LRP1B: variants seen among roughly 807,000 people sequenced by gnomAD.
LRP1B encodes LDL receptor related protein 1B, also known as low-density lipoprotein receptor-related protein 1B.
In LRP1B, 217 loss-of-function variants were observed where a neutral mutation model predicts 556.6. The ratio of observed to expected loss-of-function variants is 0.39; its 90% CI spans 0.35 to 0.44. The LOEUF (loss-of-function observed/expected upper bound fraction) is 0.44. Among genes scored for constraint, LRP1B ranks in the 20% least tolerant of loss-of-function variants. The pLI is 1.00. For missense variants in LRP1B, 5,053 were observed against 5,620.8 expected (o/e 0.90, Z 3.23); for synonymous variants, 2,047 against 1,865.8 (o/e 1.10, Z -2.50).
intron 2 of LRP1B, among the ~76,000 whole-genome samples, chr2:141,529,865 T>A (rs1474140452): frequency 6.6e-6 from 1 of 152,074 alleles, no homozygotes; most frequent in Non-Finnish European, 1.5e-5. Flanking sequence ...AGAAAAATGA[T>A]CTACTGTACA....
chr2:140,967,640 A>T (rs1696272621), intron 18 of LRP1B, among the ~76,000 whole-genome samples: 4 of 151,538 alleles, frequency 2.6e-5, no homozygotes, highest in African/African-American at 9.7e-5. Context: ...GAATGCTTCC[A>T]GTTTTTGCCC....
At chr2:140,922,683 A>AT in intron 21 of LRP1B, among the ~76,000 whole-genome samples, 1 of 152,000 alleles carries the variant, frequency 6.6e-6, no homozygotes, top group Non-Finnish European at 1.5e-5. Context: ...TAAATTAATT[A>AT]ATTAATTAAA....
intron 43 of LRP1B, among the ~76,000 whole-genome samples, chr2:140,577,471 C>T (rs1046675486): frequency 4.6e-5 from 7 of 150,996 alleles, no homozygotes; most frequent in Non-Finnish European, 8.8e-5. Context: ...AGCAGGAGTG[C>T]AGTGGTGCAA....
chr2:141,424,314 T>C (rs916824276), intron 3 of LRP1B, among the ~76,000 whole-genome samples: 9 of 152,162 alleles, frequency 5.9e-5, no homozygotes, highest in African/African-American at 2.2e-4. Flanking sequence ...GGTTTCTCTA[T>C]GTTGGTCAGG....
chr2:141,745,835 T>C (rs1415238209), intron 2 of LRP1B, among the ~76,000 whole-genome samples: 1 of 152,010 alleles, frequency 6.6e-6, no homozygotes, highest in East Asian at 1.9e-4. Context: ...CCAAGGCCCA[T>C]GGTATACTAC....
chr2:141,251,461 A>C lies in LRP1B; in HGVS notation c.463+3061T>G, dbSNP rs562866580. On this transcript the variant is annotated intron_variant, in intron 4 of 90. Transcript: ENST00000389484. The stretch of plus-strand genomic sequence containing the variant: ...TGGCTATAGGAAGAGATAGGATATA[A>C]AGTGGATATTTGTTGTGAGTATTTC... 5.3e-5 allele frequency among the ~76,000 whole-genome samples: 8 copies of C among 152,266 alleles called. No homozygotes were observed. In the East Asian group the frequency reaches 1.5e-3, roughly 29 times the overall value.
chr2:140,257,697 A>C (rs546110925), intron 86 of LRP1B, among the ~76,000 whole-genome samples: 1 of 152,312 alleles, frequency 6.6e-6, no homozygotes, highest in East Asian at 1.9e-4. Flanking sequence ...AAAGACATGC[A>C]CATTTCAGAT....
chr2:141,394,832 T>C (rs1690181994), intron 3 of LRP1B, among the ~76,000 whole-genome samples: 1 of 152,102 alleles, frequency 6.6e-6, no homozygotes, highest in Non-Finnish European at 1.5e-5. Context: ...TACATGCCAA[T>C]CTACAAAACT....
intron 33 of LRP1B, among the ~76,000 whole-genome samples, chr2:140,771,527 T>C (rs1312384260): frequency 1.3e-5 from 2 of 152,132 alleles, no homozygotes; most frequent in Admixed American, 6.5e-5. Context: ...CATAGAAATA[T>C]AATTCTCCCG....
chr2:140,277,547 A>T (rs1288994658), intron 84 of LRP1B, among the ~76,000 whole-genome samples: 4 of 151,524 alleles, frequency 2.6e-5, no homozygotes, highest in Non-Finnish European at 1.5e-5. Context: ...AGATTGTGAC[A>T]TTGGAGTCAC....
rs113217862 is a variant in LRP1B at position 141,717,224 on chromosome 2, T to C, written c.205+93055A>G. ...TCTCTCAGCAACTAATTTTTAACTATTTATTAACTACATATTAATATGATT... is the reference window on the plus strand; with the variant it reads ...TCTCTCAGCAACTAATTTTTAACTACTTATTAACTACATATTAATATGATT... On this transcript the variant is annotated intron_variant, in intron 2 of 90. Coordinates refer to ENST00000389484, the MANE Select transcript of LRP1B (RefSeq NM_018557.3). 7.2e-5 allele frequency among the ~76,000 whole-genome samples: 11 copies of C among 152,330 alleles called. 1 individual carries two copies. Among genetic ancestry groups the C allele is most frequent in the African/African-American group, 2.6e-4 (11 of 41,590 alleles).
At chr2:140,410,174 GA>G (rs35032561) in intron 66 of LRP1B, among the ~76,000 whole-genome samples, 3,097 of 151,218 alleles carry the variant, frequency 0.02, 38 homozygotes, top group African/African-American at 0.028. Flanking sequence ...TTTAACCTTT[GA>G]AAAAAAATTA....
intron 1 of LRP1B, among the ~76,000 whole-genome samples, chr2:141,963,442 T>C (rs910189996): frequency 2.0e-5 from 3 of 151,760 alleles, no homozygotes; most frequent in African/African-American, 4.8e-5. Flanking sequence ...GTTCAATATA[T>C]GCAAATCAAT....
intron 35 of LRP1B, among the ~76,000 whole-genome samples, chr2:140,732,707 A>C (rs1687818542): frequency 6.6e-6 from 1 of 152,128 alleles, no homozygotes; most frequent in Non-Finnish European, 1.5e-5. Context: ...GGAAAAAAAA[A>C]AATTAAAGAT....
At chr2:140,557,919 AGTAGGGAT>A (rs1024201418) in intron 43 of LRP1B, among the ~76,000 whole-genome samples, 4 of 152,152 alleles carry the variant, frequency 2.6e-5, no homozygotes, top group Admixed American at 1.3e-4. Context: ...TCTTCTTGGC[AGTAGGGAT>A]CTCTTTCTGT....
At chr2:141,803,991 T>C (rs947090595) in intron 2 of LRP1B, among the ~76,000 whole-genome samples, 1 of 152,142 alleles carries the variant, frequency 6.6e-6, no homozygotes, top group Non-Finnish European at 1.5e-5. Flanking sequence ...TAATGACTTA[T>C]AGACATTTTC....
intron 3 of LRP1B, among the ~76,000 whole-genome samples, chr2:141,321,488 A>G (rs1205966733): frequency 6.6e-6 from 1 of 152,106 alleles, no homozygotes; most frequent in Non-Finnish European, 1.5e-5. Context: ...CTTTTTTAAC[A>G]GTATGAAAAA....
chr2:140,754,434 G>A (rs545354149), intron 35 of LRP1B, among the ~76,000 whole-genome samples: 20 of 152,118 alleles, frequency 1.3e-4, no homozygotes, highest in African/African-American at 4.6e-4. Flanking sequence ...GCTACCAAAC[G>A]AAAGGATCAA....
chr2:141,129,860 A>G lies in LRP1B; in HGVS notation c.1013+58561T>C, dbSNP rs143853008. Reference sequence around the variant, plus strand: ...AAAAGTGTTCTTCATTTAAAGGTAAAAAAACTGATTGTACTGTTCACATGG... The same window carrying G: ...AAAAGTGTTCTTCATTTAAAGGTAAGAAAACTGATTGTACTGTTCACATGG... On this transcript the variant is annotated intron_variant, in intron 7 of 90. Coordinates refer to ENST00000389484, the MANE Select transcript of LRP1B (RefSeq NM_018557.3). 4.1e-3 allele frequency among the ~76,000 whole-genome samples: 621 copies of G among 151,954 alleles called. 4 individuals are homozygous for G. Among genetic ancestry groups the G allele is most frequent in the African/African-American group, 0.012 (504 of 41,524 alleles).
Sources: allele counts gnomAD v4.1 joint callset (sites outside exome capture counted in the v4.1 genomes callset), GRCh38; gene constraint gnomAD v4.1.1; transcripts MANE v1.5; gene names NCBI Gene and HGNC (gene_info 2026-07-23, HGNC 2026-07-21).